PIP5K1B: variants seen among roughly 807,000 people sequenced by gnomAD.
PIP5K1B encodes phosphatidylinositol-4-phosphate 5-kinase type 1 beta.
In PIP5K1B, 42 loss-of-function variants were observed where a neutral mutation model predicts 67.0. The ratio of observed to expected loss-of-function variants is 0.63; its 90% CI spans 0.49 to 0.81. The LOEUF (loss-of-function observed/expected upper bound fraction) is 0.81. Among genes scored for constraint, PIP5K1B ranks in the 30% least tolerant of loss-of-function variants. The pLI, the probability that PIP5K1B is intolerant of heterozygous loss-of-function variation, is 0.00. For synonymous variants in PIP5K1B, 214 were observed against 231.4 expected (o/e 0.92, Z 0.68); for missense variants, 459 against 646.3 (o/e 0.71, Z 3.14).
At chr9:68,732,793 G>A (rs1017869379) in intron 1 of PIP5K1B, among the ~76,000 whole-genome samples, 2 of 152,082 alleles carry the variant, frequency 1.3e-5, no homozygotes, top group Admixed American at 6.5e-5. Flanking sequence ...AAGGTCTGCT[G>A]TCCCTGAGGC....
At chr9:68,883,823 T>C (rs1824319123) in intron 6 of PIP5K1B, among the ~76,000 whole-genome samples, 1 of 60,622 alleles carries the variant, frequency 1.6e-5, no homozygotes, top group Non-Finnish European at 4.3e-5. Flanking sequence ...AGCCCAGAAA[T>C]AAACACACAC....
intron 7 of PIP5K1B, among the ~76,000 whole-genome samples, chr9:68,892,094 G>T (rs943484383): frequency 6.6e-6 from 1 of 152,114 alleles, no homozygotes; most frequent in Non-Finnish European, 1.5e-5. Flanking sequence ...ACATAAAGAA[G>T]ATCTGAAATA....
chr9:68,944,983 TC>T (rs1198281672), intron 14 of PIP5K1B, among the ~76,000 whole-genome samples: 1 of 152,162 alleles, frequency 6.6e-6, no homozygotes, highest in Non-Finnish European at 1.5e-5. Context: ...ACTGTACCAC[TC>T]CTGCATCATA....
At chr9:68,728,644 C>G (rs567861672) in intron 1 of PIP5K1B, 1 of 152,170 alleles carries the variant, frequency 6.6e-6, no homozygotes, top group African/African-American at 2.4e-5. Flanking sequence ...GTTTGGCCCA[C>G]TTGAGATACT....
Position 68,779,906 on chromosome 9 carries a change from A to G in PIP5K1B, c.-86+37249A>G, listed in dbSNP as rs1202413623. ...CAACGCGAGCTTGCGCTCAATAGCT[A>G]TTTGCCGAAGGAATATACGGACTAG... On this transcript the variant is annotated intron_variant, in intron 2 of 15. Coordinates refer to ENST00000265382, the MANE Select transcript of PIP5K1B (RefSeq NM_003558.4). 6.8e-6 allele frequency: 3 copies of G among 440,636 alleles called. No homozygotes were observed. The South Asian group carries it at 2.2e-4, about 33-fold the overall frequency. The allele number at this position is 440,636 out of a possible 1,614,324, so 27.3% of individuals were successfully genotyped here.
At chr9:68,992,352 G>C (rs911844446) in intron 15 of PIP5K1B, among the ~76,000 whole-genome samples, 1 of 152,142 alleles carries the variant, frequency 6.6e-6, no homozygotes, top group South Asian at 2.1e-4. Context: ...CCAATACTCT[G>C]TGTCGCTCCT....
At chr9:68,975,039 AG>A (rs1829566463) in intron 14 of PIP5K1B, among the ~76,000 whole-genome samples, 2 of 152,178 alleles carry the variant, frequency 1.3e-5, no homozygotes, top group East Asian at 3.8e-4. Context: ...TTACTGAAGA[AG>A]GGCCTTGCTT....
chr9:68,787,013 T>A (rs1203959194), intron 2 of PIP5K1B, among the ~76,000 whole-genome samples: 1 of 152,174 alleles, frequency 6.6e-6, no homozygotes, highest in Non-Finnish European at 1.5e-5. Context: ...GTCGGCCCTC[T>A]CCAATACCAT....
intron 14 of PIP5K1B, among the ~76,000 whole-genome samples, chr9:68,987,993 A>G (rs1298040547): frequency 6.6e-6 from 1 of 152,210 alleles, no homozygotes; most frequent in African/African-American, 2.4e-5. Flanking sequence ...TCATGGTATT[A>G]TATCATTTTA....
In PIP5K1B at chr9:68,863,970, AAG is replaced by A; in HGVS notation, c.200+5_200+6del. 6.2e-7 allele frequency: 1 copy of A among 1,613,132 alleles called. No individual in the cohort carries two copies. The highest frequency in any genetic ancestry group is 8.5e-7 in the Non-Finnish European group (1 of 1,179,568). On this transcript the variant is annotated splice_donor_5th_base_variant and intron_variant, in intron 5 of 15. Transcript: ENST00000265382. The stretch of plus-strand genomic sequence containing the variant: ...GTGGAAAGTGTGTTCCTACCCAGGT[AAG>A]AACATTTTTATTTGTGATGATTTCC...
chr9:68,875,582 G>C (rs1537887), intron 5 of PIP5K1B, among the ~76,000 whole-genome samples: 124,556 of 152,084 alleles, frequency 0.82, 51,076 homozygotes, highest in Admixed American at 0.87. Flanking sequence ...TGATTGATCT[G>C]AACAACTTAA....
At chr9:68,937,716 T>C (rs1181852537) in intron 13 of PIP5K1B, among the ~76,000 whole-genome samples, 3 of 152,260 alleles carry the variant, frequency 2.0e-5, no homozygotes, top group Non-Finnish European at 1.5e-5. Context: ...ATTTCAGGTC[T>C]TTCCTGCTTT....
intron 2 of PIP5K1B, among the ~76,000 whole-genome samples, chr9:68,744,436 A>G (rs951759838): frequency 6.6e-6 from 1 of 152,210 alleles, no homozygotes; most frequent in African/African-American, 2.4e-5. Flanking sequence ...TTCCTCATAT[A>G]TAATAAAAAG....
At chr9:68,972,339 G>C (rs1183239199) in intron 14 of PIP5K1B, among the ~76,000 whole-genome samples, 1 of 152,074 alleles carries the variant, frequency 6.6e-6, no homozygotes, top group East Asian at 1.9e-4. Context: ...CTGTTCCATT[G>C]GTGTATATAT....
At chr9:68,815,570 A>T (rs181681641) in intron 2 of PIP5K1B, among the ~76,000 whole-genome samples, 20 of 152,288 alleles carry the variant, frequency 1.3e-4, no homozygotes, top group Admixed American at 4.6e-4. Context: ...GAGGAAATTG[A>T]TGTTTTTCTA....
intron 14 of PIP5K1B, among the ~76,000 whole-genome samples, chr9:68,981,104 A>T (rs1261394563): frequency 6.6e-6 from 1 of 152,234 alleles, no homozygotes; most frequent in African/African-American, 2.4e-5. Flanking sequence ...GGATATAAAT[A>T]TGAACAGCCC....
chr9:68,879,922 A>G (rs543674331), intron 6 of PIP5K1B, among the ~76,000 whole-genome samples: 16 of 152,372 alleles, frequency 1.1e-4, no homozygotes, highest in Middle Eastern at 3.4e-3. Context: ...CAATGTATAC[A>G]TGTATCAAAA....
At chr9:68,794,662 A>G (rs1240612535) in intron 2 of PIP5K1B, among the ~76,000 whole-genome samples, 1 of 151,596 alleles carries the variant, frequency 6.6e-6, no homozygotes, top group Admixed American at 6.6e-5. Context: ...TTCCTAACCC[A>G]GAGACATTTT....
Position 68,766,288 on chromosome 9 carries a change from A to G in PIP5K1B, c.-86+23631A>G, listed in dbSNP as rs374339415. Among the ~76,000 whole-genome samples, 10 of 152,214 alleles carry G rather than the reference A, an allele frequency of 6.6e-5. No individual in the cohort carries two copies. In the East Asian group the frequency reaches 1.9e-3, roughly 29 times the overall value. On this transcript the variant is annotated intron_variant, in intron 2 of 15. Transcript: ENST00000265382. ...CTTTTTTTATATATGAAATAAATAC[A>G]TCTCTTATAAGCAAAAACTATTGTT...
Sources: allele counts gnomAD v4.1 joint callset (sites outside exome capture counted in the v4.1 genomes callset), GRCh38; gene constraint gnomAD v4.1.1; transcripts MANE v1.5; gene names NCBI Gene and HGNC (gene_info 2026-07-23, HGNC 2026-07-21).